The following PSD3 variants were observed in gnomAD, a reference collection of about 807,000 sequenced individuals.
PSD3 encodes PH and SEC7 domain-containing protein 3.
A neutral mutation model predicts 105.5 loss-of-function variants in PSD3; 49 were observed. The ratio of observed to expected loss-of-function variants is 0.46; its 90% CI spans 0.37 to 0.59. PSD3 has a LOEUF of 0.59. Ranked by LOEUF, PSD3 falls within the 20% of genes least tolerant of loss-of-function variation. The probability of loss-of-function intolerance (pLI) is 0.00; values close to 1 mark genes in which losing one functional copy is unlikely to be tolerated. For missense variants in PSD3, 1,561 were observed against 1,263.8 expected (o/e 1.24, Z -3.57); for synonymous variants, 557 against 457.8 (o/e 1.22, Z -2.77).
intron 1 of PSD3, among the ~76,000 whole-genome samples, chr8:18,965,479 C>G (rs1335482261): frequency 6.6e-6 from 1 of 152,192 alleles, no homozygotes; most frequent in East Asian, 1.9e-4. Flanking sequence ...ACAGTGACAG[C>G]AAGCATCACA....
chr8:19,043,470 A>G (rs1052719836), intron 1 of PSD3, among the ~76,000 whole-genome samples: 23 of 152,172 alleles, frequency 1.5e-4, no homozygotes, highest in African/African-American at 5.3e-4. Context: ...ATTGGGGTCC[A>G]ATCTATTGCT....
chr8:18,593,918 G>T (rs1328301576), intron 12 of PSD3, among the ~76,000 whole-genome samples: 1 of 122,594 alleles, frequency 8.2e-6, no homozygotes, highest in Admixed American at 1.1e-4. Flanking sequence ...GGTGGGAATT[G>T]AACAATGAGA....
chr8:18,679,824 A>G (rs1039631350), intron 9 of PSD3, among the ~76,000 whole-genome samples: 10 of 152,168 alleles, frequency 6.6e-5, no homozygotes, highest in Non-Finnish European at 1.3e-4. Context: ...GTGTCACAGA[A>G]ATTGATTTCT....
intron 4 of PSD3, among the ~76,000 whole-genome samples, chr8:18,822,167 G>C (rs1184020152): frequency 6.6e-6 from 1 of 152,052 alleles, no homozygotes; most frequent in Non-Finnish European, 1.5e-5. Flanking sequence ...TCCAACTTTT[G>C]CTAAGCTATT....
At chr8:18,957,528 C>T (rs1264117469) in intron 1 of PSD3, among the ~76,000 whole-genome samples, 2 of 694 alleles carry the variant, frequency 2.9e-3, no homozygotes, top group African/African-American at 0.014. Context: ...TCTCTGTTCC[C>T]TCCAGTCACT....
Position 19,076,309 on chromosome 8 carries a change from T to G in PSD3, c.324+7897A>C, listed in dbSNP as rs548089828. Among the ~76,000 whole-genome samples, 777 of 152,296 alleles carry G rather than the reference T, an allele frequency of 5.1e-3. 9 individuals are homozygous for G. The highest frequency in any genetic ancestry group is 0.018 in the African/African-American group (743 of 41,550). On this transcript the variant is annotated intron_variant, in intron 1 of 1. Coordinates refer to the PSD3 transcript ENST00000521475. ...AGAGCTGGATCTACTTGCCTTGCAA[T>G]AGAAACAAATTTGTTTTCTAGTTTC...
intron 1 of PSD3, among the ~76,000 whole-genome samples, chr8:18,965,854 TAAC>T (rs748717585): frequency 3.9e-5 from 6 of 152,210 alleles, no homozygotes; most frequent in Non-Finnish European, 8.8e-5. Flanking sequence ...AATGGACACA[TAAC>T]AGCAGCGTAA....
intron 4 of PSD3, among the ~76,000 whole-genome samples, chr8:18,866,978 A>T (rs1816988773): frequency 6.6e-6 from 1 of 152,174 alleles, no homozygotes; most frequent in Admixed American, 6.5e-5. Flanking sequence ...ACGAGCATGA[A>T]GAAATGAAAC....
chr8:18,808,458 T>G (rs147513780), intron 4 of PSD3, among the ~76,000 whole-genome samples: 2 of 152,252 alleles, frequency 1.3e-5, no homozygotes, highest in African/African-American at 4.8e-5. Context: ...CCATTCCTCA[T>G]GTTACTCATT....
At chr8:18,874,483 C>A (rs1185146029) in intron 2 of PSD3, among the ~76,000 whole-genome samples, 1 of 151,904 alleles carries the variant, frequency 6.6e-6, no homozygotes, top group Non-Finnish European at 1.5e-5. Context: ...CATTTTTAAA[C>A]TACTGCAGAG....
At chr8:19,041,388 T>A (rs898635645) in intron 1 of PSD3, among the ~76,000 whole-genome samples, 1 of 152,174 alleles carries the variant, frequency 6.6e-6, no homozygotes, top group Admixed American at 6.5e-5. Context: ...ATATGTGTAG[T>A]CAGAATTCCT....
intron 8 of PSD3, among the ~76,000 whole-genome samples, chr8:18,798,472 A>G (rs1432049809): frequency 6.6e-6 from 1 of 152,144 alleles, no homozygotes; most frequent in Non-Finnish European, 1.5e-5. Flanking sequence ...TCCTTTCTTA[A>G]AAGGGAACAC....
chr8:18,850,137 T>C (rs1815444701), intron 4 of PSD3, among the ~76,000 whole-genome samples: 1 of 152,196 alleles, frequency 6.6e-6, no homozygotes. Flanking sequence ...AATAAAGAGC[T>C]TGAGAAAACC....
At position 18,575,244 on chromosome 8, in the gene PSD3, C is replaced by T. The variant is rs1212944655; in HGVS notation, c.2523G>A (p.Leu841=). 4 of 1,612,910 alleles carry T rather than the reference C, an allele frequency of 2.5e-6. No homozygotes were observed. Among genetic ancestry groups the T allele is most frequent in the Admixed American group, 3.3e-5 (2 of 59,840 alleles). Residue 841 remains leucine (L), a synonymous_variant, in exon 13 of 16, where the codon TTG becomes TTA. Coordinates refer to ENST00000327040, the MANE Select transcript of PSD3 (RefSeq NM_015310.4). ...CGTGGTGCACACTCACAGCGTTTTTCAAGTCCTCTTCAGACAAGGCCTTTT... is the reference window on the plus strand; with the variant it reads ...CGTGGTGCACACTCACAGCGTTTTTTAAGTCCTCTTCAGACAAGGCCTTTT... ...KPEKALSEED[L]KNAVSVHHAL...
chr8:19,076,758 G>A (rs368050273), intron 1 of PSD3, among the ~76,000 whole-genome samples: 4 of 152,188 alleles, frequency 2.6e-5, no homozygotes, highest in South Asian at 4.2e-4. Flanking sequence ...AAAAGAACCC[G>A]CATGCTTCCT....
intron 9 of PSD3, chr8:18,762,985 G>T (rs1199443465): frequency 3.3e-6 from 4 of 1,211,008 alleles, no homozygotes; most frequent in Admixed American, 4.6e-5. Context: ...CTGAGGACAG[G>T]TGCCCATTTG....
intron 9 of PSD3, among the ~76,000 whole-genome samples, chr8:18,661,957 C>T (rs1809379956): frequency 6.6e-6 from 1 of 152,040 alleles, no homozygotes; most frequent in Non-Finnish European, 1.5e-5. Context: ...TTCATCTTTT[C>T]AGCTCTTATT....
In PSD3 at chr8:18,867,681, A is replaced by G; in HGVS notation, c.1627T>C (p.Trp543Arg). Reference sequence around the variant, plus strand: ...TGAGAATGGGACGAGTACCTTCCCCAGAAAGCAATCTCCGGGGTGCCTTTC... The same window carrying G: ...TGAGAATGGGACGAGTACCTTCCCCGGAAAGCAATCTCCGGGGTGCCTTTC... ...YTKGTPEIAF[W>R]GSNAGVKTTR... is the part of the protein sequence containing the mutation. Residue 543 changes from tryptophan to arginine, a missense_variant, in exon 4 of 16, where the codon TGG becomes CGG. Physicochemically the swap from Trp to Arg is moderately radical, Grantham distance 101. Transcript: ENST00000327040. 1 of 1,608,916 alleles carries G rather than the reference A, an allele frequency of 6.2e-7. No individual in the cohort carries two copies. Among genetic ancestry groups the G allele is most frequent in the Non-Finnish European group, 8.5e-7 (1 of 1,176,640 alleles).
At chr8:18,641,075 A>C (rs1807607681) in intron 10 of PSD3, among the ~76,000 whole-genome samples, 1 of 152,144 alleles carries the variant, frequency 6.6e-6, no homozygotes, top group Non-Finnish European at 1.5e-5. Flanking sequence ...CAGAGGCTTG[A>C]CTTCATTTCA....
Sources: allele counts gnomAD v4.1 joint callset (sites outside exome capture counted in the v4.1 genomes callset), GRCh38; gene constraint gnomAD v4.1.1; transcripts MANE v1.5; gene names NCBI Gene and HGNC (gene_info 2026-07-23, HGNC 2026-07-21).